The following SH3RF1 variants were observed in gnomAD, a reference collection of about 807,000 sequenced individuals.
SH3RF1 encodes the protein SH3 domain containing ring finger 1.
A neutral mutation model predicts 74.0 loss-of-function variants in SH3RF1; 32 were observed. That is an observed-to-expected ratio of 0.43 (90% CI 0.33 to 0.58). The LOEUF is 0.58. Among genes scored for constraint, SH3RF1 ranks in the 20% least tolerant of loss-of-function variants. The probability of loss-of-function intolerance (pLI) is 0.05; values close to 1 mark genes in which losing one functional copy is unlikely to be tolerated. For missense variants in SH3RF1, 954 were observed against 1,130.9 expected (o/e 0.84, Z 2.24); for synonymous variants, 396 against 439.6 (o/e 0.90, Z 1.24).
intron 11 of SH3RF1, among the ~76,000 whole-genome samples, chr4:169,103,210 A>G (rs1325809429): frequency 6.7e-6 from 1 of 149,892 alleles, no homozygotes; most frequent in Non-Finnish European, 1.5e-5. Context: ...TGCTGGGATT[A>G]CAGGCATGAG....
intron 2 of SH3RF1, among the ~76,000 whole-genome samples, chr4:169,239,262 T>C (rs1271434817): frequency 6.6e-6 from 1 of 152,184 alleles, no homozygotes; most frequent in African/African-American, 2.4e-5. Context: ...GGAATATTTT[T>C]GTAACCATTG....
At chr4:169,219,066 C>G (rs1299157658) in intron 2 of SH3RF1, among the ~76,000 whole-genome samples, 1 of 152,148 alleles carries the variant, frequency 6.6e-6, no homozygotes, top group Non-Finnish European at 1.5e-5. Context: ...CCCTTTCTTA[C>G]ATAACAGAGA....
At chr4:169,154,493 A>G (rs1163972657) in intron 4 of SH3RF1, among the ~76,000 whole-genome samples, 2 of 152,154 alleles carry the variant, frequency 1.3e-5, no homozygotes, top group Non-Finnish European at 2.9e-5. Flanking sequence ...CATGCTTAAG[A>G]TCCGTGCTTT....
chr4:169,229,106 T>C (rs1730694910), intron 2 of SH3RF1, among the ~76,000 whole-genome samples: 1 of 152,148 alleles, frequency 6.6e-6, no homozygotes. Flanking sequence ...TAATCATACT[T>C]AAGAGTTTTG....
intron 11 of SH3RF1, among the ~76,000 whole-genome samples, chr4:169,105,187 A>C (rs1002855663): frequency 6.6e-6 from 1 of 152,150 alleles, no homozygotes; most frequent in Non-Finnish European, 1.5e-5. Flanking sequence ...ACAAAGCAGA[A>C]ATTTGCTTTA....
intron 2 of SH3RF1, among the ~76,000 whole-genome samples, chr4:169,162,751 T>G (rs1579113936): frequency 6.6e-6 from 1 of 152,332 alleles, no homozygotes; most frequent in East Asian, 1.9e-4. Flanking sequence ...TTCTCCAGCT[T>G]TCTCCAGAAG....
At chr4:169,126,366 C>G (rs564543753) in intron 6 of SH3RF1, among the ~76,000 whole-genome samples, 4 of 152,258 alleles carry the variant, frequency 2.6e-5, no homozygotes, top group Non-Finnish European at 5.9e-5. Flanking sequence ...TACTCTTCAC[C>G]CTGATTTTTA....
At chr4:169,108,724 C>T (rs777136454) in intron 10 of SH3RF1, among the ~76,000 whole-genome samples, 26 of 152,196 alleles carry the variant, frequency 1.7e-4, no homozygotes, top group Non-Finnish European at 3.4e-4. Context: ...CCACATTTTC[C>T]GTGGGGCTAC....
chr4:169,169,344 C>T lies in SH3RF1; in HGVS notation c.394-12665G>A, dbSNP rs141262043. Among the ~76,000 whole-genome samples, 400 of 152,314 alleles carry T rather than the reference C, an allele frequency of 2.6e-3. 1 individual carries two copies. The highest frequency in any genetic ancestry group is 9.4e-3 in the African/African-American group (390 of 41,576). ...GGGTGCAGCAGCTCACACCTGTAAT[C>T]CCAGCACTTTGGGAGGCTGAGGCAG... is the stretch of plus-strand genomic sequence containing the variant. On this transcript the variant is annotated intron_variant, in intron 2 of 11. Transcript: ENST00000284637.
chr4:169,242,125 A>T (rs1730921626), intron 2 of SH3RF1, among the ~76,000 whole-genome samples: 2 of 151,062 alleles, frequency 1.3e-5, no homozygotes, highest in Middle Eastern at 6.8e-3. Flanking sequence ...TTCAATTTAA[A>T]TTTTTTTTTT....
chr4:169,102,573 T>A (rs1418141411), intron 11 of SH3RF1, among the ~76,000 whole-genome samples: 2 of 152,116 alleles, frequency 1.3e-5, no homozygotes, highest in Non-Finnish European at 2.9e-5. Flanking sequence ...TTATTTGCCA[T>A]CCCTTCTGAA....
chr4:169,139,224 G>A (rs142683019), intron 4 of SH3RF1, among the ~76,000 whole-genome samples: 2 of 152,312 alleles, frequency 1.3e-5, no homozygotes, highest in African/African-American at 4.8e-5. Context: ...TTACAGGCGT[G>A]AGCCACTGTG....
intron 2 of SH3RF1, among the ~76,000 whole-genome samples, chr4:169,247,734 A>C (rs939118409): frequency 2.0e-5 from 3 of 151,924 alleles, no homozygotes; most frequent in Admixed American, 2.0e-4. Context: ...TGGAGCTAAC[A>C]ATGGGAATAG....
intron 2 of SH3RF1, among the ~76,000 whole-genome samples, chr4:169,184,145 C>A (rs931955396): frequency 2.6e-5 from 4 of 152,332 alleles, no homozygotes; most frequent in African/African-American, 9.6e-5. Context: ...GGCACTCCCA[C>A]CGGCAGGCTT....
chr4:169,225,383 G>A (rs1431103002), intron 2 of SH3RF1, among the ~76,000 whole-genome samples: 1 of 152,176 alleles, frequency 6.6e-6, no homozygotes, highest in East Asian at 1.9e-4. Context: ...CAGCAAGATG[G>A]TGACCCCTAA....
intron 2 of SH3RF1, among the ~76,000 whole-genome samples, chr4:169,158,374 T>G (rs754098194): frequency 2.6e-5 from 4 of 152,112 alleles, no homozygotes; most frequent in Non-Finnish European, 4.4e-5. Context: ...AGGTAAGAAG[T>G]CACATGTGCA....
At chr4:169,249,533 G>A (rs1441174213) in intron 2 of SH3RF1, among the ~76,000 whole-genome samples, 1 of 152,216 alleles carries the variant, frequency 6.6e-6, no homozygotes, top group Non-Finnish European at 1.5e-5. Flanking sequence ...TACAGCAGCA[G>A]AAATGGACTA....
intron 2 of SH3RF1, among the ~76,000 whole-genome samples, chr4:169,206,126 G>A (rs1730253145): frequency 6.6e-6 from 1 of 152,166 alleles, no homozygotes; most frequent in African/African-American, 2.4e-5. Flanking sequence ...TTAGAACAGT[G>A]GTGCTAAAGA....
chr4:169,145,758 A>G (rs1395650789), intron 4 of SH3RF1, among the ~76,000 whole-genome samples: 1 of 144,272 alleles, frequency 6.9e-6, no homozygotes, highest in Non-Finnish European at 1.5e-5. Context: ...AAAACTATAT[A>G]AAATATATAA....
Sources: allele counts gnomAD v4.1 joint callset (sites outside exome capture counted in the v4.1 genomes callset), GRCh38; gene constraint gnomAD v4.1.1; transcripts MANE v1.5; gene names NCBI Gene and HGNC (gene_info 2026-07-23, HGNC 2026-07-21).